BRIP1: variants seen among roughly 807,000 people sequenced by gnomAD.
BRIP1 encodes Fanconi anemia group J protein.
In BRIP1, 88 loss-of-function variants were observed where a neutral mutation model predicts 119.7. The ratio of observed to expected loss-of-function variants is 0.74; its 90% CI spans 0.62 to 0.88. The LOEUF (loss-of-function observed/expected upper bound fraction) is 0.88, where lower values mean the gene tolerates loss of function less well. Among genes scored for constraint, BRIP1 ranks in the 40% least tolerant of loss-of-function variants. BRIP1 has a pLI of 0.00. For synonymous variants in BRIP1, 443 were observed against 496.5 expected (o/e 0.89, Z 1.43); for missense variants, 1,259 against 1,455.4 (o/e 0.87, Z 2.20).
chr17:61,763,724 G>C (rs76542736), intron 14 of BRIP1, among the ~76,000 whole-genome samples: 1,611 of 152,196 alleles, frequency 0.011, 13 homozygotes, highest in Non-Finnish European at 0.017. Context: ...GCTAGAGATT[G>C]GGAGAGTTCG....
In BRIP1 at chr17:61,823,266, T is replaced by G. The variant is rs547091435; in HGVS notation, c.628-14509A>C. Among the ~76,000 whole-genome samples, 4 of 152,364 alleles carry G rather than the reference T, an allele frequency of 2.6e-5. No homozygotes were observed. The highest frequency in any genetic ancestry group is 9.6e-5 in the African/African-American group (4 of 41,592). On this transcript the variant is annotated intron_variant, in intron 6 of 19. Coordinates refer to ENST00000259008, the MANE Select transcript of BRIP1 (RefSeq NM_032043.3). The surrounding 1 kb of genome is among the most constrained non-coding windows in gnomAD (Gnocchi z 4.8). ...CAATAAATGTCCTTAAAAATATGATTGTATGGCCTTCTGCTTTTAGCCATA... is the reference window on the plus strand; with the variant it reads ...CAATAAATGTCCTTAAAAATATGATGGTATGGCCTTCTGCTTTTAGCCATA...
rs1192281149 is a variant in BRIP1, at chr17:61,769,990, T to C, written c.2097+6411A>G. ...AGTAAAGAGCCAAGAAAAACCCTAC[T>C]GTTTCGGGCAGGAGGAGGGAAAAAA... On this transcript the variant is annotated intron_variant, in intron 14 of 19. Coordinates refer to ENST00000259008, the MANE Select transcript of BRIP1 (RefSeq NM_032043.3). The surrounding 1 kb of genome is among the most constrained non-coding windows in gnomAD (Gnocchi z 4.9). Among the ~76,000 whole-genome samples the C allele has an allele frequency of 1.3e-5, 2 of 152,148 alleles. No individual in the cohort carries two copies. Among genetic ancestry groups the C allele is most frequent in the Non-Finnish European group, 2.9e-5 (2 of 68,032 alleles).
chr17:61,809,768 G>C lies in BRIP1; in HGVS notation c.628-1011C>G, dbSNP rs1357757548. 6.6e-6 allele frequency among the ~76,000 whole-genome samples: 1 copy of C among 152,112 alleles called. No homozygotes were observed. Among genetic ancestry groups the C allele is most frequent in the Non-Finnish European group, 1.5e-5 (1 of 68,010 alleles). The stretch of plus-strand genomic sequence containing the variant: ...AGGTAAATAGCATTGTAACTTAAAA[G>C]ACTGTGTGCTAAAGAGTTTTAATTT... On this transcript the variant is annotated intron_variant, in intron 6 of 19. Coordinates refer to ENST00000259008, the MANE Select transcript of BRIP1 (RefSeq NM_032043.3). This position sits in a 1 kb window ranked among gnomAD's most constrained non-coding sequence, Gnocchi z 5.2.
Position 61,776,198 on chromosome 17 carries a change from T to C in BRIP1, c.2097+203A>G. The C allele has an allele frequency of 1.7e-6, 1 of 602,940 alleles. No homozygotes were observed. The highest frequency in any genetic ancestry group is 2.8e-6 in the Non-Finnish European group (1 of 355,478). 37.3% of individuals were successfully genotyped at this position (602,940 alleles called of 1,614,324 possible). On this transcript the variant is annotated intron_variant, in intron 14 of 19. Coordinates refer to ENST00000259008, the MANE Select transcript of BRIP1 (RefSeq NM_032043.3). This position sits in a 1 kb window ranked among gnomAD's most constrained non-coding sequence, Gnocchi z 5.0. ...CGTCCAGCCTTGCTCTTTCAGACTT[T>C]TAAGTAAAACAGAGGTAGGACAATC...
chr17:61,753,508 A>G lies in BRIP1; in HGVS notation c.2098-8917T>C, dbSNP rs2144777507. ...ATATATTAGGAAAGCATGACAAAAG[A>G]TAAAACTAAAAAAGAATGTATAGAG... On this transcript the variant is annotated intron_variant, in intron 14 of 19. Coordinates refer to ENST00000259008, the MANE Select transcript of BRIP1 (RefSeq NM_032043.3). The surrounding 1 kb of genome is among the most constrained non-coding windows in gnomAD (Gnocchi z 4.6). Among the ~76,000 whole-genome samples, 1 of 152,276 alleles carries G rather than the reference A, an allele frequency of 6.6e-6. No individual in the cohort carries two copies. Among genetic ancestry groups the G allele is most frequent in the South Asian group, 2.1e-4 (1 of 4,816 alleles).
chr17:61,751,148 C>A lies in BRIP1; in HGVS notation c.2098-6557G>T, dbSNP rs2077126299. ...CTACGTGCAATGGAAAATTATTCAA[C>A]TATAAAGGAATGAAATTCTGACAAA... On this transcript the variant is annotated intron_variant, in intron 14 of 19. Transcript: ENST00000259008. This position sits in a 1 kb window ranked among gnomAD's most constrained non-coding sequence, Gnocchi z 6.7. Among the ~76,000 whole-genome samples the A allele has an allele frequency of 6.6e-6, 1 of 152,080 alleles. No individual in the cohort carries two copies. The highest frequency in any genetic ancestry group is 1.5e-5 in the Non-Finnish European group (1 of 68,010).
At chr17:61,812,437 C>A (rs926834213) in intron 6 of BRIP1, among the ~76,000 whole-genome samples, 1 of 151,970 alleles carries the variant, frequency 6.6e-6, no homozygotes, top group Non-Finnish European at 1.5e-5. Flanking sequence ...AGACATGGGG[C>A]TTTCCAAAAT....
Position 61,735,563 on chromosome 17 carries a change from T to C in BRIP1, c.2379+7450A>G, listed in dbSNP as rs2144609712. 6.7e-6 allele frequency among the ~76,000 whole-genome samples: 1 copy of C among 148,792 alleles called. No homozygotes were observed. Among genetic ancestry groups the C allele is most frequent in the Non-Finnish European group, 1.5e-5 (1 of 66,920 alleles). ...CAGCACTTTGGGAGGCTGACGCGGGTGGATTACTTGAGCTCAGGAGTTCGA... is the reference window on the plus strand; with the variant it reads ...CAGCACTTTGGGAGGCTGACGCGGGCGGATTACTTGAGCTCAGGAGTTCGA... On this transcript the variant is annotated intron_variant, in intron 16 of 19. Coordinates refer to ENST00000259008, the MANE Select transcript of BRIP1 (RefSeq NM_032043.3). The surrounding 1 kb of genome is among the most constrained non-coding windows in gnomAD (Gnocchi z 4.4).
intron 6 of BRIP1, among the ~76,000 whole-genome samples, chr17:61,817,940 A>C (rs994418834): frequency 2.0e-5 from 3 of 152,214 alleles, no homozygotes; most frequent in Admixed American, 1.3e-4. Context: ...TACTTTTCTT[A>C]ATCTTTTTTG....
rs1348262418 is a variant in BRIP1, at chr17:61,680,572, C to A, written c.*2724G>T. 6.6e-6 allele frequency among the ~76,000 whole-genome samples: 1 copy of A among 150,414 alleles called. No homozygotes were observed. The highest frequency in any genetic ancestry group is 2.5e-5 in the African/African-American group (1 of 40,768). On this transcript the variant is annotated 3_prime_UTR_variant, in exon 20 of 20. Coordinates refer to ENST00000259008, the MANE Select transcript of BRIP1 (RefSeq NM_032043.3). ...TCGGCTCACTGCAAGCTCCACCTCC[C>A]GGGTTCACGCCATTCTCCTGCCTCA... is the stretch of plus-strand genomic sequence containing the variant.
At position 61,683,236 on chromosome 17, in the gene BRIP1, C is replaced by T. The variant is rs2061294159; in HGVS notation, c.*60G>A. 6.6e-7 allele frequency: 1 copy of T among 1,518,216 alleles called. No homozygotes were observed. The highest frequency in any genetic ancestry group is 1.8e-5 in the Admixed American group (1 of 55,398). The allele number at this position is 1,518,216 out of a possible 1,614,324, so 94.0% of individuals were successfully genotyped here. ...TATTCAATTTACAAATTATTACTTA[C>T]AACAGAGTTTAACATAAGCATGATG... On this transcript the variant is annotated 3_prime_UTR_variant, in exon 20 of 20. Coordinates refer to ENST00000259008, the MANE Select transcript of BRIP1 (RefSeq NM_032043.3). The surrounding 1 kb of genome is among the most constrained non-coding windows in gnomAD (Gnocchi z 4.7).
chr17:61,834,283 T>C lies in BRIP1; in HGVS notation c.627+12818A>G, dbSNP rs1038584000. Among the ~76,000 whole-genome samples, 2 of 152,142 alleles carry C rather than the reference T, an allele frequency of 1.3e-5. No individual in the cohort carries two copies. The highest frequency in any genetic ancestry group is 4.8e-5 in the African/African-American group (2 of 41,444). On this transcript the variant is annotated intron_variant, in intron 6 of 19. Transcript: ENST00000259008. This position sits in a 1 kb window ranked among gnomAD's most constrained non-coding sequence, Gnocchi z 4.4. ...TATGTGTAATATATGTCATATATAC[T>C]ACATAACAAATATATGTAATATATA...
At chr17:61,855,578 C>CAAAAAA (rs200850712) in intron 4 of BRIP1, among the ~76,000 whole-genome samples, 1 of 99,388 alleles carries the variant, frequency 1.0e-5, no homozygotes, top group African/African-American at 3.8e-5. Flanking sequence ...GATTCTGTCT[C>CAAAAAA]AAAAAAAAAA....
rs142649466 is a variant in BRIP1, at chr17:61,858,192, T to C, written c.206-961A>G. 9.9e-5 allele frequency among the ~76,000 whole-genome samples: 15 copies of C among 152,242 alleles called. No homozygotes were observed. The East Asian group carries it at 2.7e-3, about 27-fold the overall frequency. ...ATATACCCCCAAAAAAGCTAAATAA[T>C]TTATTTTTAAAAATAATCAGTATTG... is the stretch of plus-strand genomic sequence containing the variant. On this transcript the variant is annotated intron_variant, in intron 3 of 19. Transcript: ENST00000259008.
intron 6 of BRIP1, among the ~76,000 whole-genome samples, chr17:61,811,127 T>C (rs565570220): frequency 5.4e-4 from 83 of 152,314 alleles, no homozygotes; most frequent in Admixed American, 1.1e-3. Context: ...AATGTTTTTG[T>C]TTGTTTTTTT....
intron 14 of BRIP1, among the ~76,000 whole-genome samples, chr17:61,771,844 C>A (rs572684432): frequency 2.0e-5 from 3 of 152,032 alleles, no homozygotes; most frequent in African/African-American, 7.2e-5. Flanking sequence ...CACCTGTAAT[C>A]CCAGCTACTC....
In BRIP1 at chr17:61,703,003, G is replaced by A. The variant is rs9896244; in HGVS notation, c.2493-9491C>T. 0.034 allele frequency among the ~76,000 whole-genome samples: 4,699 copies of A among 138,784 alleles called. 293 individuals carry two copies. Among genetic ancestry groups the A allele is most frequent in the African/African-American group, 0.12 (4,451 of 37,072 alleles). The allele number at this position is 138,784 out of a possible 152,430, so 91.0% of individuals were successfully genotyped here. On this transcript the variant is annotated intron_variant, in intron 17 of 19. Coordinates refer to ENST00000259008, the MANE Select transcript of BRIP1 (RefSeq NM_032043.3). The surrounding 1 kb of genome is among the most constrained non-coding windows in gnomAD (Gnocchi z 5.0). ...TTTTTTTTTTTTTTGACTTTTTAAC[G>A]ATAGCCATTCTGACTAGTGCGAGAT...
intron 5 of BRIP1, 84 bp from the exon 6 acceptor site, chr17:61,847,304 T>C (rs771226152): frequency 6.8e-7 from 1 of 1,468,344 alleles, no homozygotes; most frequent in Non-Finnish European, 9.5e-7. Context: ...AACAGCTCTA[T>C]GTATTTTTTT....
At position 61,809,425 on chromosome 17, in the gene BRIP1, G is replaced by A. The variant is rs549558674; in HGVS notation, c.628-668C>T. On this transcript the variant is annotated intron_variant, in intron 6 of 19. Coordinates refer to ENST00000259008, the MANE Select transcript of BRIP1 (RefSeq NM_032043.3). The surrounding 1 kb of genome is among the most constrained non-coding windows in gnomAD (Gnocchi z 5.2). ...ACCAATCAGTAAAATTATCATCCAG[G>A]GTAGTTTTTCCTGGACAATTTCACT... 1.4e-4 allele frequency among the ~76,000 whole-genome samples: 22 copies of A among 152,104 alleles called. No homozygotes were observed. Among genetic ancestry groups the A allele is most frequent in the Middle Eastern group, 3.4e-3 (1 of 294 alleles).
Sources: gnomAD v4.1 joint callset for allele counts (sites outside exome capture counted in the v4.1 genomes callset) on GRCh38, gnomAD v4.1.1 for gene constraint, Gnocchi (gnomAD v3.1) non-coding constraint, MANE v1.5 for transcripts, NCBI Gene and HGNC (gene_info 2026-07-23, HGNC 2026-07-21) for gene names.